Variants in ROCK2 observed in about 807,000 individuals in gnomAD.
ROCK2 encodes rho-associated protein kinase 2.
In ROCK2, 61 loss-of-function variants were observed where a neutral mutation model predicts 195.1. The ratio of observed to expected loss-of-function variants is 0.31; its 90% confidence interval spans 0.25 to 0.39. ROCK2 has a LOEUF of 0.39. Among genes scored for constraint, ROCK2 ranks in the 10% least tolerant of loss-of-function variants. The probability of loss-of-function intolerance (pLI) is 1.00; values close to 1 mark genes in which losing one functional copy is unlikely to be tolerated. For missense variants in ROCK2, 1,109 were observed against 1,637.4 expected, an observed-to-expected ratio of 0.68 and a Z score of 5.57; for synonymous variants, 504 against 545.5, an observed-to-expected ratio of 0.92 and a Z score of 1.06.
Position 11,217,091 on chromosome 2 carries a change from T to C in ROCK2, c.1411A>G (p.Lys471Glu). ...QAKEELEQKC[K>E]SVNTRLEKTA... ...TATTTAATTATCTACAAAACATACT[T>C]GCACTTCTGTTCCAGTTCCTCTTTG... Residue 471 changes from lysine to glutamate, a missense_variant and splice_region_variant, in exon 12 of 33, where the codon AAA (lysine) becomes GAA (glutamate). Lys to Glu is a moderately conservative substitution (Grantham distance 56). Transcript: ENST00000315872. The C allele has an allele frequency of 6.9e-7, 1 of 1,452,362 alleles. No homozygotes were observed. The highest frequency in any genetic ancestry group is 9.7e-7 in the Non-Finnish European group (1 of 1,034,002). The allele number at this position is 1,452,362 out of a possible 1,614,324, so 90.0% of individuals were successfully genotyped here.
intron 1 of ROCK2, among the ~76,000 whole-genome samples, chr2:11,318,506 C>T (rs1668298611): frequency 6.6e-6 from 1 of 152,006 alleles, no homozygotes; most frequent in African/African-American, 2.4e-5. Context: ...TGGATATTAG[C>T]CCTTTGTCAG....
intron 3 of ROCK2, among the ~76,000 whole-genome samples, chr2:11,269,676 G>A (rs540142773): frequency 3.2e-4 from 48 of 152,186 alleles, no homozygotes; most frequent in African/African-American, 1.1e-3. Context: ...TTGTTGTCCA[G>A]GTAACGAAAG....
rs6734672 is a variant in ROCK2, at chr2:11,331,744, G to A, written c.141+12252C>T. Among the ~76,000 whole-genome samples, 670 of 152,290 alleles carry A rather than the reference G, an allele frequency of 4.4e-3. 5 individuals carry two copies. The highest frequency in any genetic ancestry group is 0.015 in the African/African-American group (625 of 41,566). ...GTTTGAGACCAGCCTGGCCAACATA[G>A]TGAAACCCTGTCTCTGCTAAAAATA... On this transcript the variant is annotated intron_variant, in intron 1 of 32. Transcript: ENST00000315872.
intron 4 of ROCK2, among the ~76,000 whole-genome samples, 199 bp from the exon 5 acceptor site, chr2:11,236,161 T>C (rs1434888008): frequency 6.6e-6 from 1 of 152,126 alleles, no homozygotes; most frequent in Non-Finnish European, 1.5e-5. Context: ...TTTATATGGG[T>C]ACCTTATTCA....
At chr2:11,286,085 C>G (rs1410505814) in intron 3 of ROCK2, among the ~76,000 whole-genome samples, 1 of 149,502 alleles carries the variant, frequency 6.7e-6, no homozygotes, top group Non-Finnish European at 1.5e-5. Flanking sequence ...AGTTCCAAAG[C>G]CAATAATATA....
At position 11,234,196 on chromosome 2, in the gene ROCK2, T is replaced by C. The variant is rs553966877; in HGVS notation, c.723+1506A>G. On this transcript the variant is annotated intron_variant, in intron 5 of 32. Transcript: ENST00000315872. ...CCTTATAAAGAGACAATTTAAGTAT[T>C]TGCTTACATGCTTATACAATTATTC... is the stretch of plus-strand genomic sequence containing the variant. 5.9e-5 allele frequency: 9 copies of C among 152,304 alleles called. No homozygotes were observed. In the South Asian group the frequency reaches 1.7e-3, roughly 28 times the overall value. 9.4% of individuals were successfully genotyped at this position (152,304 alleles called of 1,614,324 possible).
intron 32 of ROCK2, among the ~76,000 whole-genome samples, chr2:11,188,373 G>A (rs969748578): frequency 3.9e-5 from 6 of 152,066 alleles, no homozygotes; most frequent in African/African-American, 1.4e-4. Flanking sequence ...GCCTCCCAAA[G>A]TGCTGGGATT....
intron 1 of ROCK2, among the ~76,000 whole-genome samples, chr2:11,325,314 G>A (rs1360818611): frequency 6.6e-6 from 1 of 152,136 alleles, no homozygotes; most frequent in African/African-American, 2.4e-5. Flanking sequence ...GGGGTCTTGG[G>A]GTCTTGGAAC....
At chr2:11,200,765 C>T (rs1323515062) in intron 23 of ROCK2, among the ~76,000 whole-genome samples, 192 bp downstream of exon 23, 1 of 151,684 alleles carries the variant, frequency 6.6e-6, no homozygotes, top group African/African-American at 2.4e-5. Flanking sequence ...ACTTTGAATT[C>T]ATTAACAGGT....
chr2:11,206,053 G>A (rs544861220), intron 20 of ROCK2, among the ~76,000 whole-genome samples: 1 of 151,994 alleles, frequency 6.6e-6, no homozygotes, highest in South Asian at 2.1e-4. Flanking sequence ...AGGTTGCAGT[G>A]AGCTGAGACC....
intron 5 of ROCK2, among the ~76,000 whole-genome samples, 161 bp from the exon 6 acceptor site, chr2:11,227,559 T>A (rs1010719889): frequency 6.6e-5 from 10 of 152,092 alleles, no homozygotes; most frequent in Non-Finnish European, 1.3e-4. Flanking sequence ...ATAAATACAC[T>A]GGAAAATGCA....
chr2:11,342,843 G>A (rs999529129), intron 1 of ROCK2, among the ~76,000 whole-genome samples: 31 of 152,284 alleles, frequency 2.0e-4, no homozygotes, highest in African/African-American at 7.2e-4. Flanking sequence ...TATAGCTAAA[G>A]TCAGTTCCTG....
chr2:11,286,956 A>G (rs1477118187), intron 2 of ROCK2, among the ~76,000 whole-genome samples: 1 of 152,152 alleles, frequency 6.6e-6, no homozygotes, highest in African/African-American at 2.4e-5. Flanking sequence ...CCTGGTGTGC[A>G]CTCTGAATCA....
At chr2:11,258,714 G>T (rs1666121078) in intron 3 of ROCK2, among the ~76,000 whole-genome samples, 1 of 151,128 alleles carries the variant, frequency 6.6e-6, no homozygotes, top group Non-Finnish European at 1.5e-5. Flanking sequence ...TTAGTCACGG[G>T]TTAAGGAGTT....
intron 18 of ROCK2, among the ~76,000 whole-genome samples, chr2:11,210,689 C>T (rs774829960): frequency 9.9e-5 from 15 of 151,954 alleles, no homozygotes; most frequent in Admixed American, 3.3e-4. Flanking sequence ...GAGCATATCA[C>T]GAAATGTCAA....
intron 9 of ROCK2, among the ~76,000 whole-genome samples, chr2:11,220,012 T>C (rs10181567): frequency 0.25 from 37,642 of 151,170 alleles, 5,424 homozygotes; most frequent in East Asian, 0.54. Flanking sequence ...CATCTGGCTT[T>C]TTTGTTGTTG....
rs1664458662 is a variant in ROCK2, at chr2:11,217,033, A to G, written c.1412+57T>C. 3.3e-6 allele frequency: 3 copies of G among 922,050 alleles called. No homozygotes were observed. In the Admixed American group the frequency reaches 6.6e-5, roughly 20 times the overall value. The allele number at this position is 922,050 out of a possible 1,614,324, so 57.1% of individuals were successfully genotyped here. A position where few individuals can be genotyped will look rare whatever the true frequency, so the allele number is the denominator to read the frequency against. On this transcript the variant is annotated intron_variant, in intron 12 of 32. Coordinates refer to ENST00000315872, the MANE Select transcript of ROCK2 (RefSeq NM_004850.5). ...CACCACACCTGGCCGCTCTTTTTTC[A>G]GTAAATGTTTAAACTTAAATTTTAT...
chr2:11,211,862 G>T, intron 17 of ROCK2, 22 bp from the exon 18 acceptor site: 1 of 1,529,624 alleles, frequency 6.5e-7, no homozygotes, highest in Non-Finnish European at 8.8e-7. Flanking sequence ...TTAAAATGCA[G>T]CTATCAACAA....
rs905979420 is a variant in ROCK2 at position 11,300,719 on chromosome 2, C to T, written c.142-12983G>A. On this transcript the variant is annotated intron_variant, in intron 1 of 32. Transcript: ENST00000315872. Reference sequence around the variant, plus strand: ...TGAACCATCTTGTAGGCTTAATAACCCTGTTTCTACAAAATAGTACACTGT... The same window carrying T: ...TGAACCATCTTGTAGGCTTAATAACTCTGTTTCTACAAAATAGTACACTGT... 2.0e-5 allele frequency among the ~76,000 whole-genome samples: 3 copies of T among 152,112 alleles called. No homozygotes were observed. The South Asian group carries it at 6.2e-4, about 32-fold the overall frequency.
Sources: allele counts gnomAD v4.1 joint callset (sites outside exome capture counted in the v4.1 genomes callset), GRCh38; gene constraint gnomAD v4.1.1; transcripts MANE v1.5; gene names NCBI Gene and HGNC (gene_info 2026-07-23, HGNC 2026-07-21).